The following BNC1 variants were observed in gnomAD, a reference collection of about 807,000 sequenced individuals.
The protein encoded by BNC1 is basonuclin zinc finger protein 1, also known as zinc finger protein basonuclin-1.
BNC1 carries 8 observed loss-of-function variants against 66.5 expected under a neutral mutation model. The ratio of observed to expected loss-of-function variants is 0.12; its 90% CI spans 0.07 to 0.22. BNC1 has a LOEUF of 0.22. Among genes scored for constraint, BNC1 ranks in the 10% least tolerant of loss-of-function variants. The probability of loss-of-function intolerance (pLI) is 1.00; values close to 1 mark genes in which losing one functional copy is unlikely to be tolerated. For missense variants in BNC1, 1,069 were observed against 1,241.3 expected, an observed-to-expected ratio of 0.86 and a Z score of 2.09; for synonymous variants, 454 against 452.6, an observed-to-expected ratio of 1.00 and a Z score of -0.04.
At position 83,264,523 on chromosome 15, in the gene BNC1, A is replaced by C. The variant is rs377334974; in HGVS notation, c.728T>G (p.Met243Arg). The C allele has an allele frequency of 7.4e-6, 12 of 1,614,184 alleles. No homozygotes were observed. In the African/African-American group the frequency reaches 1.1e-4, roughly 14 times the overall value. ...AGGGTTGAAGAACTGGAAAGGCAGC[A>C]TGAAAGTCATGTTGCTTATGAGGTT... The part of the protein sequence containing the change: ...FENLISNMTF[M>R]LPFQFFNPLP... The change falls in exon 4 of 5, where the codon ATG (methionine) becomes AGG (arginine). Residue 243 changes from methionine (M) to arginine (R), a missense_variant. Met to Arg is a moderately conservative substitution (Grantham distance 91). Coordinates refer to ENST00000345382, the MANE Select transcript of BNC1 (RefSeq NM_001717.4).
At chr15:83,272,506 G>C (rs2038279474) in intron 1 of BNC1, among the ~76,000 whole-genome samples, 1 of 151,692 alleles carries the variant, frequency 6.6e-6, no homozygotes, top group Non-Finnish European at 1.5e-5. Context: ...CAAAGTGCTG[G>C]AATTACAGGT....
chr15:83,268,327 C>A, intron 1 of BNC1, 95 bp from the exon 2 acceptor site: 1 of 1,175,486 alleles, frequency 8.5e-7, no homozygotes. Context: ...CATTCGGCAG[C>A]ACTTATTGAG....
rs780390833 is a variant in BNC1 at position 83,264,438 on chromosome 15, G to A, written c.813C>T (p.Asp271=). The part of the protein sequence containing the change: ...PEQYMLEQGH[D]QSQDPKQEVH... ...CTTCCTGTTTGGGGTCCTGACTTTGGTCATGACCCTGCTCCAACATATATT... is the reference window on the plus strand; with the variant it reads ...CTTCCTGTTTGGGGTCCTGACTTTGATCATGACCCTGCTCCAACATATATT... Residue 271 remains aspartate, a synonymous_variant, in exon 4 of 5, where the codon GAC becomes GAT. Transcript: ENST00000345382. 1.1e-5 allele frequency: 17 copies of A among 1,614,058 alleles called. No homozygotes were observed. The South Asian group carries it at 1.6e-4, about 16-fold the overall frequency.
At position 83,263,245 on chromosome 15, in the gene BNC1, G is replaced by A; in HGVS notation, c.2006C>T (p.Ser669Phe). Residue 669 changes from serine to phenylalanine, a missense_variant, in exon 4 of 5, where the codon TCT becomes TTT. Physicochemically the swap from Ser to Phe is radical, Grantham distance 155. This residue lies in a region of BNC1 where 657 missense variants were observed against 715.8 expected (regional missense o/e 0.92). Coordinates refer to ENST00000345382, the MANE Select transcript of BNC1 (RefSeq NM_001717.4). ...GCGCTGCTGCAGTTCCATGTAGTCA[G>A]AAAAAGGAACTTGGGGTTCCATCCC... ...TPGMEPQVPF[S>F]DYMELQQRLL... 1 of 1,614,202 alleles carries A rather than the reference G, an allele frequency of 6.2e-7. No individual in the cohort carries two copies. The highest frequency in any genetic ancestry group is 8.5e-7 in the Non-Finnish European group (1 of 1,180,040).
chr15:83,263,355 T>G lies in BNC1; in HGVS notation c.1896A>C (p.Ser632=), dbSNP rs749923839. 11 of 1,614,216 alleles carry G rather than the reference T, an allele frequency of 6.8e-6. No individual in the cohort carries two copies. The East Asian group carries it at 2.5e-4, about 36-fold the overall frequency. The change falls in exon 4 of 5, where the codon TCA becomes TCC. Residue 632 remains serine (S), a synonymous_variant. Transcript: ENST00000345382. ...CTGGTGTCTGCTCAGTCTCCCTCTC[T>G]GAATTGTGTGTGGCCTGCTCAGGGG... The part of the protein sequence containing the change: ...SQTPEQATHN[S]ERETEQTPAL...
At chr15:83,261,918 A>C (rs2038145956) in intron 4 of BNC1, among the ~76,000 whole-genome samples, 1 of 152,204 alleles carries the variant, frequency 6.6e-6, no homozygotes, top group Admixed American at 6.5e-5. Flanking sequence ...TATGGATTTC[A>C]TATTATCAAA....
intron 1 of BNC1, among the ~76,000 whole-genome samples, chr15:83,269,428 CGTGT>C (rs59308826): frequency 3.3e-5 from 5 of 150,350 alleles, no homozygotes; most frequent in African/African-American, 7.3e-5. Flanking sequence ...CTGGGAAGTG[CGTGT>C]GTGTGTGTGT....
rs1454496513 is a variant in BNC1 at position 83,283,141 on chromosome 15, ACT to A, written c.99+1387_99+1388del. The stretch of plus-strand genomic sequence containing the variant: ...AGATGGCATTCCACTTAACTGTCAG[ACT>A]CGGAGCGGTGGCAGCCCCGCAGCCA... On this transcript the variant is annotated intron_variant, in intron 1 of 4. Coordinates refer to ENST00000345382, the MANE Select transcript of BNC1 (RefSeq NM_001717.4). The A allele has an allele frequency of 4.6e-6, 7 of 1,535,558 alleles. No individual in the cohort carries two copies. The South Asian group carries it at 5.9e-5, about 13-fold the overall frequency.
At position 83,263,059 on chromosome 15, in the gene BNC1, T is replaced by C; in HGVS notation, c.2192A>G (p.Asn731Ser). The C allele has an allele frequency of 6.2e-7, 1 of 1,614,224 alleles. No homozygotes were observed. The highest frequency in any genetic ancestry group is 8.5e-7 in the Non-Finnish European group (1 of 1,180,028). ...GTGATGAATTTTCACACTACAAGCA[T>C]TTTTAAAGGTCTTCTTGCAGATGTC... ...QCDICKKTFK[N>S]ACSVKIHHKN... is the part of the protein sequence containing the mutation. The change falls in exon 4 of 5, where the codon AAT becomes AGT. Residue 731 changes from asparagine (N) to serine (S), a missense_variant. Asn to Ser is a conservative substitution (Grantham distance 46, BLOSUM62 1). Transcript: ENST00000345382.
Position 83,263,062 on chromosome 15 carries a change from T to C in BNC1, c.2189A>G (p.Lys730Arg). The change falls in exon 4 of 5, where the codon AAA becomes AGA. Residue 730 changes from lysine (K) to arginine (R), a missense_variant. Transcript: ENST00000345382. ...FQCDICKKTF[K>R]NACSVKIHHK... ...ATGAATTTTCACACTACAAGCATTT[T>C]TAAAGGTCTTCTTGCAGATGTCACA... The C allele has an allele frequency of 6.2e-7, 1 of 1,614,220 alleles. No homozygotes were observed. Among genetic ancestry groups the C allele is most frequent in the Non-Finnish European group, 8.5e-7 (1 of 1,180,040 alleles).
intron 2 of BNC1, 46 bp from the exon 3 acceptor site, chr15:83,267,117 G>T: frequency 6.6e-7 from 1 of 1,505,812 alleles, no homozygotes. Context: ...AGTTCTAATT[G>T]TAAGAGAAAC....
In BNC1 at chr15:83,272,339, T is replaced by C. The variant is rs1220160223; in HGVS notation, c.100-4107A>G. On this transcript the variant is annotated intron_variant, in intron 1 of 4. Transcript: ENST00000345382. ...TCCACCTCCCAGGTTCAAGTGATTC[T>C]TGTGCCTCAGCCTCCTGAGTAGTTG... Among the ~76,000 whole-genome samples, 3 of 151,906 alleles carry C rather than the reference T, an allele frequency of 2.0e-5. No individual in the cohort carries two copies. In the East Asian group the frequency reaches 5.8e-4, roughly 29 times the overall value.
intron 1 of BNC1, chr15:83,283,454 C>T: frequency 8.2e-7 from 1 of 1,217,864 alleles, no homozygotes. Context: ...AGCACGGAAC[C>T]GACGGGGCGC....
At chr15:83,274,637 G>A (rs967323739) in intron 1 of BNC1, among the ~76,000 whole-genome samples, 2 of 152,186 alleles carry the variant, frequency 1.3e-5, no homozygotes. Flanking sequence ...AGTACTGTGA[G>A]GAGAGAATTA....
Position 83,264,800 on chromosome 15 carries a change from C to T in BNC1, c.451G>A (p.Val151Met), listed in dbSNP as rs751698632. The T allele has an allele frequency of 6.2e-7, 1 of 1,613,662 alleles. No homozygotes were observed. Among genetic ancestry groups the T allele is most frequent in the Non-Finnish European group, 8.5e-7 (1 of 1,179,746 alleles). ...GYVLQDASGK[V>M]LDHWSIMTSE... is the part of the protein sequence containing the mutation. The stretch of plus-strand genomic sequence containing the variant: ...GTCATGATGCTCCAGTGATCCAACA[C>T]CTTTCCTGATGCATCCTAAACCCAA... The change falls in exon 4 of 5, where the codon GTG (valine) becomes ATG (methionine). Residue 151 changes from valine to methionine, a missense_variant. Physicochemically the swap from Val to Met is conservative, Grantham distance 21 (BLOSUM62 1). Around this residue, in one of 7 missense-constraint regions of BNC1, gnomAD observed 39 missense variants for 89.5 expected, o/e 0.44. Transcript: ENST00000345382.
Position 83,257,923 on chromosome 15 carries a change from G to A in BNC1, c.2504C>T (p.Thr835Met), listed in dbSNP as rs757018655. 1.2e-5 allele frequency: 20 copies of A among 1,614,042 alleles called. No homozygotes were observed. Among genetic ancestry groups the A allele is most frequent in the African/African-American group, 6.7e-5 (5 of 74,940 alleles). The change falls in exon 5 of 5, where the codon ACG (threonine) becomes ATG (methionine). Residue 835 changes from threonine (T) to methionine (M), a missense_variant. Thr to Met is a moderately conservative substitution (Grantham distance 81). Around this residue, in one of 7 missense-constraint regions of BNC1, gnomAD observed 657 missense variants for 715.8 expected, o/e 0.92. Transcript: ENST00000345382. ...SRMGSLVYPI[T>M]QVHSASLESY... ...CTCCAGGCTGGCACTGTGGACTTGC[G>A]TTATTGGGTAAACCAGACTGCCCAT...
intron 3 of BNC1, among the ~76,000 whole-genome samples, chr15:83,266,593 T>C (rs187392833): frequency 1.3e-5 from 2 of 152,136 alleles, no homozygotes; most frequent in East Asian, 1.9e-4. Context: ...GTGGAAGAGG[T>C]AGTTTAGTAA....
rs765235003 is a variant in BNC1, at chr15:83,263,107, A to G, written c.2144T>C (p.Ile715Thr). 12 of 1,614,092 alleles carry G rather than the reference A, an allele frequency of 7.4e-6. No homozygotes were observed. Among genetic ancestry groups the G allele is most frequent in the Middle Eastern group, 1.6e-4 (1 of 6,084 alleles). ...GTCACACTGGAAGCGATTTTCTTCT[A>G]TCTGCCTTGCTAATGCATGCTGACC... Reference protein sequence around the residue: ...HVGQHALARQIEENRFQCDIC... With the variant: ...HVGQHALARQTEENRFQCDIC... Residue 715 changes from isoleucine to threonine, a missense_variant, in exon 4 of 5, where the codon ATA becomes ACA. This residue lies in a region of BNC1 where 657 missense variants were observed against 715.8 expected (regional missense o/e 0.92). Coordinates refer to ENST00000345382, the MANE Select transcript of BNC1 (RefSeq NM_001717.4).
At chr15:83,273,130 T>C (rs1001794071) in intron 1 of BNC1, among the ~76,000 whole-genome samples, 2 of 152,206 alleles carry the variant, frequency 1.3e-5, no homozygotes, top group East Asian at 3.8e-4. Context: ...CTTGTGGTTC[T>C]CCATGAGCCC....
Sources: gnomAD v4.1 joint callset for allele counts (sites outside exome capture counted in the v4.1 genomes callset) on GRCh38, gnomAD v4.1.1 for gene constraint, gnomAD v4.1.1 regional missense constraint, MANE v1.5 for transcripts, NCBI Gene and HGNC (gene_info 2026-07-23, HGNC 2026-07-21) for gene names.